Variants in PTPRZ1 observed in about 807,000 individuals in gnomAD.
The protein encoded by PTPRZ1 is receptor-type tyrosine-protein phosphatase zeta.
In PTPRZ1, 82 loss-of-function variants were observed where a neutral mutation model predicts 214.1. That is an observed-to-expected ratio of 0.38 (90% confidence interval 0.32 to 0.46). The LOEUF (loss-of-function observed/expected upper bound fraction) is 0.46, where lower values mean the gene tolerates loss of function less well. Among genes scored for constraint, PTPRZ1 ranks in the 20% least tolerant of loss-of-function variants. The pLI is 1.00. For synonymous variants in PTPRZ1, 945 were observed against 987.9 expected (o/e 0.96, Z 0.81); for missense variants, 2,603 against 2,748.7 (o/e 0.95, Z 1.19).
At chr7:121,927,266 C>A (rs1348892191) in intron 1 of PTPRZ1, among the ~76,000 whole-genome samples, 1 of 152,186 alleles carries the variant, frequency 6.6e-6, no homozygotes, top group Admixed American at 6.5e-5. Flanking sequence ...AGGTTCCAAA[C>A]CTATCCTGCA....
chr7:121,897,958 G>A (rs1028343140), intron 1 of PTPRZ1, among the ~76,000 whole-genome samples: 2 of 152,074 alleles, frequency 1.3e-5, no homozygotes, highest in African/African-American at 2.4e-5. Context: ...TAATGGATCC[G>A]TTAGATAATC....
At chr7:121,937,562 G>A (rs1377520230) in intron 2 of PTPRZ1, among the ~76,000 whole-genome samples, 1 of 152,180 alleles carries the variant, frequency 6.6e-6, no homozygotes, top group Non-Finnish European at 1.5e-5. Flanking sequence ...GAAATGAGAA[G>A]AGGAAGATGC....
chr7:121,877,381 C>T (rs60930011), intron 1 of PTPRZ1, among the ~76,000 whole-genome samples: 4 of 152,052 alleles, frequency 2.6e-5, no homozygotes, highest in Admixed American at 2.6e-4. Context: ...TGGTACATTT[C>T]ACAGTCCCAT....
intron 2 of PTPRZ1, among the ~76,000 whole-genome samples, chr7:121,967,285 G>A (rs1214195873): frequency 1.3e-5 from 2 of 152,160 alleles, no homozygotes; most frequent in Non-Finnish European, 2.9e-5. Context: ...ACAATAAAAT[G>A]TGCTAGGCTT....
rs576901633 is a variant in PTPRZ1, at chr7:122,021,177, CTG to C, written c.4988+1913_4988+1914del. 4.6e-5 allele frequency among the ~76,000 whole-genome samples: 7 copies of C among 152,052 alleles called. 1 individual carries two copies. Among genetic ancestry groups the C allele is most frequent in the Admixed American group, 2.0e-4 (3 of 15,248 alleles). ...ATAAGATTGAAATTCGTTTCTTAAT[CTG>C]TGTTACTTTTCAAGTATATTTTCTG... On this transcript the variant is annotated intron_variant, in intron 13 of 29. Coordinates refer to ENST00000393386, the MANE Select transcript of PTPRZ1 (RefSeq NM_002851.3).
At chr7:121,886,757 C>T (rs1410100146) in intron 1 of PTPRZ1, among the ~76,000 whole-genome samples, 2 of 152,096 alleles carry the variant, frequency 1.3e-5, no homozygotes, top group African/African-American at 4.8e-5. Flanking sequence ...CTACAACTGA[C>T]TTTAATAACA....
intron 12 of PTPRZ1, among the ~76,000 whole-genome samples, chr7:122,015,502 A>T (rs1798816537): frequency 1.3e-5 from 2 of 152,122 alleles, no homozygotes; most frequent in African/African-American, 4.8e-5. Flanking sequence ...AAATGCTGAT[A>T]TGTGAGAATG....
chr7:121,934,524 C>T (rs900815842), intron 2 of PTPRZ1, among the ~76,000 whole-genome samples: 7 of 143,906 alleles, frequency 4.9e-5, no homozygotes, highest in Admixed American at 2.1e-4. Flanking sequence ...CTCTGCATTT[C>T]GATTTTCCCG....
chr7:122,058,245 T>C (rs186416668), intron 27 of PTPRZ1, among the ~76,000 whole-genome samples: 1 of 152,084 alleles, frequency 6.6e-6, no homozygotes, highest in East Asian at 1.9e-4. Context: ...AAGTACACTT[T>C]TGGAAGCTGG....
In PTPRZ1 at chr7:121,973,014, A is replaced by C. The variant is rs866825481; in HGVS notation, c.456+322A>C. On this transcript the variant is annotated intron_variant, in intron 4 of 29. Transcript: ENST00000393386. Reference sequence around the variant, plus strand: ...AAATCTTTTGATTAAAATGAGAAAAATTTTCAGCTTTAAAATTGGCAAAGT... The same window carrying C: ...AAATCTTTTGATTAAAATGAGAAAACTTTTCAGCTTTAAAATTGGCAAAGT... 2.6e-5 allele frequency among the ~76,000 whole-genome samples: 4 copies of C among 152,250 alleles called. 1 individual carries two copies. The South Asian group carries it at 8.3e-4, about 32-fold the overall frequency.
chr7:121,941,509 T>C (rs2116422812), intron 2 of PTPRZ1, among the ~76,000 whole-genome samples: 1 of 152,376 alleles, frequency 6.6e-6, no homozygotes, highest in Middle Eastern at 3.4e-3. Flanking sequence ...CAGTCATTTC[T>C]GGAAAGTGGA....
At chr7:122,042,784 G>A in intron 22 of PTPRZ1, 41 bp downstream of exon 22, 7 of 1,570,630 alleles carry the variant, frequency 4.5e-6, no homozygotes, top group Non-Finnish European at 5.2e-6. Flanking sequence ...TCTAAGGTAT[G>A]GAAATGTCAC....
intron 4 of PTPRZ1, among the ~76,000 whole-genome samples, chr7:121,975,327 T>G (rs556277770): frequency 1.9e-4 from 29 of 152,368 alleles, no homozygotes; most frequent in African/African-American, 7.0e-4. Flanking sequence ...ATGCTTGTCA[T>G]ACTGTCTTGC....
intron 2 of PTPRZ1, among the ~76,000 whole-genome samples, chr7:121,954,032 C>T (rs1796635684): frequency 6.6e-6 from 1 of 152,178 alleles, no homozygotes; most frequent in African/African-American, 2.4e-5. Context: ...AATCAACTAA[C>T]CAGTTCTGAA....
At chr7:121,966,979 T>A (rs757125190) in intron 2 of PTPRZ1, 4 of 152,306 alleles carry the variant, frequency 2.6e-5, no homozygotes, top group Admixed American at 2.0e-4. Flanking sequence ...TTCTTCCTTG[T>A]GATGGCCATG....
chr7:121,962,169 G>T (rs1243223615), intron 2 of PTPRZ1, among the ~76,000 whole-genome samples: 1 of 152,078 alleles, frequency 6.6e-6, no homozygotes, highest in Non-Finnish European at 1.5e-5. Context: ...AATGTTTAAG[G>T]CCAGGCACAG....
intron 8 of PTPRZ1, among the ~76,000 whole-genome samples, chr7:121,985,270 C>T (rs1282227997): frequency 6.6e-6 from 1 of 151,828 alleles, no homozygotes. Context: ...AATAGACAAT[C>T]GATTAGAAAA....
intron 4 of PTPRZ1, among the ~76,000 whole-genome samples, chr7:121,974,943 T>G (rs1045450580): frequency 1.3e-5 from 2 of 152,106 alleles, no homozygotes; most frequent in Admixed American, 6.5e-5. Context: ...CCCAGCACTT[T>G]AGGAGGCTGA....
intron 2 of PTPRZ1, among the ~76,000 whole-genome samples, chr7:121,959,861 T>A (rs1796822799): frequency 6.6e-6 from 1 of 152,216 alleles, no homozygotes. Context: ...TGGGTATGTT[T>A]GTTAGCATGT....
Sources: allele counts gnomAD v4.1 joint callset (sites outside exome capture counted in the v4.1 genomes callset), GRCh38; gene constraint gnomAD v4.1.1; transcripts MANE v1.5; gene names NCBI Gene and HGNC (gene_info 2026-07-23, HGNC 2026-07-21).